Variants in TOP2A observed in about 807,000 individuals in gnomAD.
The protein encoded by TOP2A is DNA topoisomerase 2-alpha.
A neutral mutation model predicts 187.2 loss-of-function variants in TOP2A; 68 were observed. The ratio of observed to expected loss-of-function variants is 0.36; its 90% CI spans 0.30 to 0.44. The LOEUF (loss-of-function observed/expected upper bound fraction) is 0.44, where lower values mean the gene tolerates loss of function less well. Among genes scored for constraint, TOP2A ranks in the 20% least tolerant of loss-of-function variants. TOP2A has a pLI of 1.00. For missense variants in TOP2A, 1,196 were observed against 1,808.7 expected, an observed-to-expected ratio of 0.66 and a Z score of 6.14; for synonymous variants, 542 against 593.2, an observed-to-expected ratio of 0.91 and a Z score of 1.25.
chr17:40,408,653 T>TC, intron 10 of TOP2A, 23 bp from the exon 11 acceptor site: 1 of 1,611,852 alleles, frequency 6.2e-7, no homozygotes, highest in Non-Finnish European at 8.5e-7. Flanking sequence ...AGATTCATAT[T>TC]AGGGATCATA....
At chr17:40,412,272 G>C (rs78016783) in intron 7 of TOP2A, among the ~76,000 whole-genome samples, 200 of 152,236 alleles carry the variant, frequency 1.3e-3, no homozygotes, top group African/African-American at 4.2e-3. Flanking sequence ...AAATTCCTTC[G>C]GTAAGTTTAA....
chr17:40,391,702 G>A (rs2035023942), intron 32 of TOP2A, 62 bp from the exon 33 acceptor site: 6 of 1,444,908 alleles, frequency 4.2e-6, no homozygotes, highest in Non-Finnish European at 5.5e-6. Context: ...TCCATTTTCT[G>A]CTTTGTCCCT....
chr17:40,411,582 A>G lies in TOP2A; in HGVS notation c.963+63T>C. On this transcript the variant is annotated intron_variant, in intron 8 of 34. Transcript: ENST00000423485. This position sits in a 1 kb window ranked among gnomAD's most constrained non-coding sequence, Gnocchi z 4.4. The stretch of plus-strand genomic sequence containing the variant: ...ATATTCAAGTCCACTTTATATATTA[A>G]AAACAATAAGAACACATATATGTAA... 2 of 1,569,720 alleles carry G rather than the reference A, an allele frequency of 1.3e-6. No individual in the cohort carries two copies. Among genetic ancestry groups the G allele is most frequent in the East Asian group, 2.3e-5 (1 of 42,806 alleles).
At chr17:40,417,043 T>C (rs2143697878) in intron 1 of TOP2A, 148 bp from the exon 2 acceptor site, 1 of 716,298 alleles carries the variant, frequency 1.4e-6, no homozygotes, top group South Asian at 2.0e-5. Flanking sequence ...TTTGTACAAA[T>C]AGGACAATTT....
rs2034989124 is a variant in TOP2A at position 40,388,853 on chromosome 17, C to A, written c.*666G>T. ...TCAGAGGCAGCCAGAGGGGACAGGT[C>A]AAGAGCTGAAATAATCACATAACTA... On this transcript the variant is annotated 3_prime_UTR_variant, in exon 35 of 35. Transcript: ENST00000423485. The A allele has an allele frequency of 5.0e-6, 1 of 199,748 alleles. No homozygotes were observed. Among genetic ancestry groups the A allele is most frequent in the Non-Finnish European group, 1.0e-5 (1 of 96,748 alleles). 12.4% of individuals were successfully genotyped at this position (199,748 alleles called of 1,614,324 possible).
intron 16 of TOP2A, among the ~76,000 whole-genome samples, chr17:40,405,599 C>T (rs933070680): frequency 2.0e-5 from 3 of 151,060 alleles, no homozygotes; most frequent in African/African-American, 4.9e-5. Flanking sequence ...GGATTACAGG[C>T]GCGTGTCACC....
At chr17:40,414,897 A>G (rs2035371539) in intron 4 of TOP2A, among the ~76,000 whole-genome samples, 1 of 151,624 alleles carries the variant, frequency 6.6e-6, no homozygotes, top group Non-Finnish European at 1.5e-5. Flanking sequence ...TCAATCATAA[A>G]CTGCCTTGCT....
rs1410370457 is a variant in TOP2A, at chr17:40,392,670, G to T, written c.3879C>A (p.Pro1293=). ...KPIKKGKKRN[P]WSDSESDRSS... Reference sequence around the variant, plus strand: ...TCCTATCTGATTCTGAATCAGACCAGGGATTTCTCTTCTTTCCTTTTTTGA... The same window carrying T: ...TCCTATCTGATTCTGAATCAGACCATGGATTTCTCTTCTTTCCTTTTTTGA... Residue 1293 remains proline (P), a synonymous_variant, in exon 30 of 35, where the codon CCC becomes CCA. Transcript: ENST00000423485. 1 of 1,613,204 alleles carries T rather than the reference G, an allele frequency of 6.2e-7. No homozygotes were observed. The highest frequency in any genetic ancestry group is 8.5e-7 in the Non-Finnish European group (1 of 1,179,800).
In TOP2A at chr17:40,392,070, G is replaced by A. The variant is rs1388265863; in HGVS notation, c.4130C>T (p.Ser1377Leu). 1.2e-6 allele frequency: 2 copies of A among 1,611,578 alleles called. No individual in the cohort carries two copies. Among genetic ancestry groups the A allele is most frequent in the Non-Finnish European group, 8.5e-7 (1 of 1,179,160 alleles). The change falls in exon 32 of 35, where the codon TCA becomes TTA. Residue 1377 changes from serine to leucine, a missense_variant and splice_region_variant. Physicochemically the swap from Ser to Leu is moderately radical, Grantham distance 145. This residue lies in a region of TOP2A where 374 missense variants were observed against 403.3 expected (regional missense o/e 0.93). Transcript: ENST00000423485. Reference sequence around the variant, plus strand: ...ACTACTTTTACTTAAATACATACCTGACACGACACTTTTCTGTGGTTTCAG... The same window carrying A: ...ACTACTTTTACTTAAATACATACCTAACACGACACTTTTCTGTGGTTTCAG... ...KELKPQKSVV[S>L]DLEADDVKGS...
intron 10 of TOP2A, chr17:40,410,579 G>A (rs2035309276): frequency 2.2e-6 from 1 of 455,260 alleles, no homozygotes; most frequent in African/African-American, 2.0e-5. Context: ...ACCTATTGTA[G>A]TAAACCAAAA....
chr17:40,392,052 T>A lies in TOP2A; in HGVS notation c.4132+16A>T. The stretch of plus-strand genomic sequence containing the variant: ...CAGTAAGGCAGATGTCTCACTACTT[T>A]TACTTAAATACATACCTGACACGAC... On this transcript the variant is annotated intron_variant, in intron 32 of 34. Transcript: ENST00000423485. 1 of 1,610,402 alleles carries A rather than the reference T, an allele frequency of 6.2e-7. No homozygotes were observed. The highest frequency in any genetic ancestry group is 8.5e-7 in the Non-Finnish European group (1 of 1,178,696).
chr17:40,389,526 A>G lies in TOP2A; in HGVS notation c.4589T>C (p.Leu1530Pro). ...KYLEESDEDD[L>P]F ...AAATAATCGCCTCACATTTTAAAAC[A>G]GATCATCTTCATCTGACTCTTCCAG... The change falls in exon 35 of 35, where the codon CTG becomes CCG. Residue 1530 changes from leucine to proline, a missense_variant. Physicochemically the swap from Leu to Pro is moderately conservative, Grantham distance 98. Coordinates refer to ENST00000423485, the MANE Select transcript of TOP2A (RefSeq NM_001067.4). 2 of 1,588,988 alleles carry G rather than the reference A, an allele frequency of 1.3e-6. No individual in the cohort carries two copies. Among genetic ancestry groups the G allele is most frequent in the Middle Eastern group, 1.7e-4 (1 of 6,026 alleles).
At position 40,411,735 on chromosome 17, in the gene TOP2A, T is replaced by C. The variant is rs1261662269; in HGVS notation, c.873A>G (p.Glu291=). 1.2e-6 allele frequency: 2 copies of C among 1,613,110 alleles called. No individual in the cohort carries two copies. Among genetic ancestry groups the C allele is most frequent in the Non-Finnish European group, 1.7e-6 (2 of 1,179,618 alleles). The change falls in exon 8 of 35, where the codon GAA becomes GAG. Residue 291 remains glutamate, a synonymous_variant. Transcript: ENST00000423485. The surrounding 1 kb of genome is among the most constrained non-coding windows in gnomAD (Gnocchi z 4.4). The stretch of plus-strand genomic sequence containing the variant: ...ACACTTCCCACCTGTGGTTTACTTG[T>C]TCATGTATTACTTTCAAGGAGTTAC... ...ETGNSLKVIH[E]QVNHRWEVCL...
chr17:40,398,635 C>G lies in TOP2A; in HGVS notation c.3460G>C (p.Glu1154Gln), dbSNP rs1265511322. ...CTCTTTCTTTTTAATGTGTCCAGCT[C>G]TTGTTCCTTCATAAGATAATTACAA... ...LCRLRNEKEQ[E>Q]LDTLKRKSPS... Residue 1154 changes from glutamate (E) to glutamine (Q), a missense_variant, in exon 27 of 35, where the codon GAG becomes CAG. Glu to Gln is a conservative substitution (Grantham distance 29, BLOSUM62 2). This residue lies in a region of TOP2A where 22 missense variants were observed against 21.1 expected (regional missense o/e 1.04). Coordinates refer to ENST00000423485, the MANE Select transcript of TOP2A (RefSeq NM_001067.4). The G allele has an allele frequency of 2.5e-6, 4 of 1,598,396 alleles. No homozygotes were observed. The highest frequency in any genetic ancestry group is 2.2e-5 in the South Asian group (2 of 88,998).
chr17:40,409,130 G>T, intron 10 of TOP2A: 1 of 316,806 alleles, frequency 3.2e-6, no homozygotes, highest in Non-Finnish European at 6.1e-6. Context: ...GGAGGTAGAG[G>T]TTGCAGCGAG....
rs1598605782 is a variant in TOP2A, at chr17:40,389,010, A to T, written c.*509T>A. The T allele has an allele frequency of 4.6e-6, 1 of 215,986 alleles. No homozygotes were observed. The highest frequency in any genetic ancestry group is 9.4e-6 in the Non-Finnish European group (1 of 106,334). 13.4% of individuals were successfully genotyped at this position (215,986 alleles called of 1,614,324 possible). A position where few individuals can be genotyped will look rare whatever the true frequency, so the allele number is the denominator to read the frequency against. On this transcript the variant is annotated 3_prime_UTR_variant, in exon 35 of 35. Transcript: ENST00000423485. Reference sequence around the variant, plus strand: ...CATTGCTTAAAGAAAAACTTGGCACATAAGAGGCTGAGTGTAGTAGAGTAT... The same window carrying T: ...CATTGCTTAAAGAAAAACTTGGCACTTAAGAGGCTGAGTGTAGTAGAGTAT...
chr17:40,409,532 G>A (rs751596504), intron 10 of TOP2A: 14 of 427,888 alleles, frequency 3.3e-5, no homozygotes, highest in South Asian at 2.4e-4. Flanking sequence ...GCCGAGGATG[G>A]TGGATCAAGT....
Position 40,400,318 on chromosome 17 carries a change from G to T in TOP2A, c.2891C>A (p.Thr964Asn). 7 of 1,613,444 alleles carry T rather than the reference G, an allele frequency of 4.3e-6. No individual in the cohort carries two copies. Among genetic ancestry groups the T allele is most frequent in the Non-Finnish European group, 5.9e-6 (7 of 1,179,746 alleles). The change falls in exon 23 of 35, where the codon ACC (threonine) becomes AAC (asparagine). Residue 964 changes from threonine (T) to asparagine (N), a missense_variant. This residue lies in a region of TOP2A where 232 missense variants were observed against 306.1 expected (regional missense o/e 0.76). Transcript: ENST00000423485. ...CATCTTCACAACAAATTTCACAGTG[G>T]TATCTGTATGGTATTCCCTATAGTC... ...ITDYREYHTD[T>N]TVKFVVKMTE...
At chr17:40,396,561 C>T in intron 27 of TOP2A, 96 bp from the exon 28 acceptor site, 2 of 1,453,428 alleles carry the variant, frequency 1.4e-6, no homozygotes, top group Non-Finnish European at 1.9e-6. Flanking sequence ...TTTGTTACAT[C>T]TTAAAAACTA....
Sources: gnomAD v4.1 joint callset for allele counts (sites outside exome capture counted in the v4.1 genomes callset) on GRCh38, gnomAD v4.1.1 for gene constraint, gnomAD v4.1.1 regional missense constraint, Gnocchi (gnomAD v3.1) non-coding constraint, MANE v1.5 for transcripts, NCBI Gene and HGNC (gene_info 2026-07-23, HGNC 2026-07-21) for gene names.